Variants in OCA2 observed in about 807,000 individuals in gnomAD.
The protein encoded by OCA2 is P protein.
In OCA2, 77 loss-of-function variants were observed where a neutral mutation model predicts 100.2. The ratio of observed to expected loss-of-function variants is 0.77; its 90% CI spans 0.64 to 0.93. The LOEUF (loss-of-function observed/expected upper bound fraction) is 0.93. Among genes scored for constraint, OCA2 ranks in the 40% least tolerant of loss-of-function variants. The pLI, the probability that OCA2 is intolerant of heterozygous loss-of-function variation, is 0.00. For synonymous variants in OCA2, 432 were observed against 439.2 expected, an observed-to-expected ratio of 0.98 and a Z score of 0.21; for missense variants, 1,062 against 1,089.1, an observed-to-expected ratio of 0.98 and a Z score of 0.35.
intron 15 of OCA2, among the ~76,000 whole-genome samples, chr15:27,959,332 A>C (rs532983730): frequency 6.6e-6 from 1 of 152,298 alleles, no homozygotes; most frequent in South Asian, 2.1e-4. Flanking sequence ...ACTTCGTTAA[A>C]CCACCTATGA....
intron 9 of OCA2, among the ~76,000 whole-genome samples, chr15:27,992,583 G>A (rs535216649): frequency 2.0e-5 from 3 of 152,298 alleles, no homozygotes; most frequent in South Asian, 2.1e-4. Context: ...AGAACAAGGC[G>A]AAGACACTTC....
chr15:27,901,174 T>A (rs1240351292), intron 19 of OCA2, among the ~76,000 whole-genome samples: 3 of 152,228 alleles, frequency 2.0e-5, no homozygotes, highest in African/African-American at 7.2e-5. Context: ...CAGCTCTTGT[T>A]TTGAGGACAA....
downstream of OCA2, among the ~76,000 whole-genome samples, chr15:27,753,914 G>A (rs541607321): frequency 3.9e-5 from 6 of 152,072 alleles, no homozygotes; most frequent in East Asian, 1.9e-4. Flanking sequence ...GGAAGGAGCC[G>A]GACATGAGGG....
At chr15:27,969,563 T>C (rs2040699082) in intron 14 of OCA2, among the ~76,000 whole-genome samples, 1 of 152,256 alleles carries the variant, frequency 6.6e-6, no homozygotes, top group Non-Finnish European at 1.5e-5. Context: ...ATGCGCTCTT[T>C]CTGCTTCAAG....
At chr15:27,888,215 C>T (rs77622784) in intron 19 of OCA2, among the ~76,000 whole-genome samples, 2,371 of 152,318 alleles carry the variant, frequency 0.016, 54 homozygotes, top group African/African-American at 0.05. Flanking sequence ...AGAAACCAAA[C>T]AGATCAAAGT....
the OCA2 span, among the ~76,000 whole-genome samples, chr15:27,733,090 G>A: frequency 5.9e-5 from 9 of 152,170 alleles, no homozygotes; most frequent in Non-Finnish European, 1.0e-4. Flanking sequence ...GGCTGGTCAC[G>A]AATGCCTGCA....
At chr15:27,978,282 C>T (rs1422352221) in intron 14 of OCA2, among the ~76,000 whole-genome samples, 1 of 152,100 alleles carries the variant, frequency 6.6e-6, no homozygotes, top group African/African-American at 2.4e-5. Context: ...TATTGAGTGG[C>T]GTTTTCTATA....
chr15:27,836,415 C>T (rs200511543), intron 23 of OCA2, among the ~76,000 whole-genome samples: 2 of 150,614 alleles, frequency 1.3e-5, no homozygotes, highest in Non-Finnish European at 2.9e-5. Context: ...TCTTTCTTCT[C>T]TTTCCTTCCT....
At chr15:27,933,250 A>G (rs545998782) in intron 18 of OCA2, among the ~76,000 whole-genome samples, 1 of 152,184 alleles carries the variant, frequency 6.6e-6, no homozygotes, top group Non-Finnish European at 1.5e-5. Flanking sequence ...GAAAATATTC[A>G]GTATATTGGA....
At chr15:27,878,334 C>G (rs1417719923) in intron 19 of OCA2, among the ~76,000 whole-genome samples, 1 of 152,094 alleles carries the variant, frequency 6.6e-6, no homozygotes, top group African/African-American at 2.4e-5. Flanking sequence ...TCTAATTTCT[C>G]TGTAGTATCA....
rs772202517 is a variant in OCA2 at position 27,957,585 on chromosome 15, T to C, written c.1784+3A>G. Reference sequence around the variant, plus strand: ...ACAGTCTGAGCAGGACCCCGCCCGGTACCTGTGGAAGGTGTGCAGCCTCCG... The same window carrying C: ...ACAGTCTGAGCAGGACCCCGCCCGGCACCTGTGGAAGGTGTGCAGCCTCCG... On this transcript the variant is annotated splice_donor_region_variant and intron_variant, in intron 16 of 23. Coordinates refer to ENST00000354638, the MANE Select transcript of OCA2 (RefSeq NM_000275.3). This position sits in a 1 kb window ranked among gnomAD's most constrained non-coding sequence, Gnocchi z 4.3. The C allele has an allele frequency of 1.2e-6, 2 of 1,612,364 alleles. No individual in the cohort carries two copies. Among genetic ancestry groups the C allele is most frequent in the Admixed American group, 3.3e-5 (2 of 60,020 alleles).
At chr15:27,921,285 G>A (rs74008205) in intron 19 of OCA2, among the ~76,000 whole-genome samples, 7,665 of 152,038 alleles carry the variant, frequency 0.05, 366 homozygotes, top group South Asian at 0.21. Flanking sequence ...ATGGAGACCC[G>A]AAGTCAGAAT....
chr15:27,851,616 A>G (rs1362694355), intron 21 of OCA2, 141 bp from the exon 22 acceptor site: 1 of 774,792 alleles, frequency 1.3e-6, no homozygotes, highest in East Asian at 2.7e-5. Flanking sequence ...AAACCAAAGC[A>G]GACTTTGGAA....
At chr15:27,950,360 T>C (rs574466308) in intron 18 of OCA2, 1 of 292,462 alleles carries the variant, frequency 3.4e-6, no homozygotes, top group African/African-American at 2.2e-5. Flanking sequence ...TTAAGGTTTC[T>C]AATGTTAAAA....
chr15:27,757,087 C>T (rs1023422758), intron 23 of OCA2, among the ~76,000 whole-genome samples: 2 of 152,228 alleles, frequency 1.3e-5, no homozygotes, highest in Non-Finnish European at 2.9e-5. Flanking sequence ...ACAGTGCCTT[C>T]TGGAATTGGC....
At chr15:27,816,330 A>T (rs1041506928) in intron 23 of OCA2, among the ~76,000 whole-genome samples, 1 of 152,208 alleles carries the variant, frequency 6.6e-6, no homozygotes, top group Non-Finnish European at 1.5e-5. Flanking sequence ...GTGTAAGGCT[A>T]CGTCTTTCTC....
intron 6 of OCA2, among the ~76,000 whole-genome samples, chr15:28,022,293 C>T (rs1348294689): frequency 2.0e-5 from 3 of 152,168 alleles, no homozygotes; most frequent in Non-Finnish European, 4.4e-5. Flanking sequence ...CGGAGAGCTC[C>T]ACCACCAACC....
chr15:28,011,429 C>T (rs1207214088), intron 9 of OCA2, among the ~76,000 whole-genome samples: 4 of 152,006 alleles, frequency 2.6e-5, no homozygotes, highest in Non-Finnish European at 5.9e-5. Flanking sequence ...GATCATGCTA[C>T]TGCACTCCAG....
intron 2 of OCA2, among the ~76,000 whole-genome samples, chr15:28,071,517 C>A (rs575081529): frequency 6.6e-6 from 1 of 152,302 alleles, no homozygotes; most frequent in African/African-American, 2.4e-5. Flanking sequence ...CAACTTCAAA[C>A]TACACAATAG....
Sources: gnomAD v4.1 joint callset for allele counts (sites outside exome capture counted in the v4.1 genomes callset) on GRCh38, gnomAD v4.1.1 for gene constraint, Gnocchi (gnomAD v3.1) non-coding constraint, MANE v1.5 for transcripts, NCBI Gene and HGNC (gene_info 2026-07-23, HGNC 2026-07-21) for gene names.